Variants in PHRF1 observed in about 807,000 individuals in gnomAD.
The protein encoded by PHRF1 is PHD and ring finger domains 1, also known as PHD and RING finger domain-containing protein 1.
PHRF1 carries 53 observed loss-of-function variants against 128.9 expected under a neutral mutation model. The ratio of observed to expected loss-of-function variants is 0.41; its 90% confidence interval spans 0.33 to 0.52. The LOEUF is 0.52. Ranked by LOEUF, PHRF1 falls within the 20% of genes least tolerant of loss-of-function variation. The probability of loss-of-function intolerance (pLI) is 0.21; values close to 1 mark genes in which losing one functional copy is unlikely to be tolerated. For missense variants in PHRF1, 2,503 were observed against 2,284.5 expected (o/e 1.10, Z -1.95); for synonymous variants, 1,178 against 980.6 (o/e 1.20, Z -3.76).
At chr11:581,901 C>A in intron 2 of PHRF1, 61 bp from the exon 3 acceptor site, 2 of 1,498,694 alleles carry the variant, frequency 1.3e-6, no homozygotes, top group East Asian at 2.5e-5. Flanking sequence ...GCAAAGCAAC[C>A]TGCTCTCTGC....
Position 597,630 on chromosome 11 carries a change from AGT to A in PHRF1, c.894+61_894+62del. On this transcript the variant is annotated intron_variant, in intron 8 of 17. Coordinates refer to ENST00000264555, the MANE Select transcript of PHRF1 (RefSeq NM_001286581.2). This position sits in a 1 kb window ranked among gnomAD's most constrained non-coding sequence, Gnocchi z 6.5. ...CCCAGCTGCCCAGAGTGATCTCGGC[AGT>A]CTGGGTGGGTGGGAGGGGCGTCGTC... is the stretch of plus-strand genomic sequence containing the variant. 9.4e-7 allele frequency: 1 copy of A among 1,064,842 alleles called. No individual in the cohort carries two copies. Among genetic ancestry groups the A allele is most frequent in the Non-Finnish European group, 1.3e-6 (1 of 756,754 alleles). 66.0% of individuals were successfully genotyped at this position (1,064,842 alleles called of 1,614,324 possible).
Position 607,980 on chromosome 11 carries a change from G to T in PHRF1, c.2524G>T (p.Ala842Ser), listed in dbSNP as rs372016767. Residue 842 changes from alanine (A) to serine (S), a missense_variant, in exon 14 of 18, where the codon GCC (alanine) becomes TCC (serine). Coordinates refer to ENST00000264555, the MANE Select transcript of PHRF1 (RefSeq NM_001286581.2). ...PSDPTGSDSS[A>S]PGSSPERSGP... ...CGACCCCACCGGCTCCGACTCCAGC[G>T]CCCCTGGCAGCAGCCCCGAGAGGTC... 6.2e-7 allele frequency: 1 copy of T among 1,611,378 alleles called. No individual in the cohort carries two copies. Among genetic ancestry groups the T allele is most frequent in the Non-Finnish European group, 8.5e-7 (1 of 1,179,832 alleles).
At chr11:596,900 T>C (rs761681699) in intron 6 of PHRF1, 23 bp from the exon 7 acceptor site, 2 of 1,606,838 alleles carry the variant, frequency 1.2e-6, no homozygotes, top group East Asian at 2.2e-5. Context: ...ACCCGGATGC[T>C]TTGGCCCTGC....
intron 6 of PHRF1, among the ~76,000 whole-genome samples, chr11:595,030 A>G (rs1031149523): frequency 6.6e-6 from 1 of 152,248 alleles, no homozygotes; most frequent in African/African-American, 2.4e-5. Context: ...AGTCTGACTT[A>G]AAAATCACAC....
At chr11:603,186 G>T (rs1343272388) in intron 10 of PHRF1, among the ~76,000 whole-genome samples, 8 of 152,092 alleles carry the variant, frequency 5.3e-5, no homozygotes, top group African/African-American at 1.9e-4. Context: ...TTCCTGAGTA[G>T]CTGGGACTAC....
In PHRF1 at chr11:605,286, G is replaced by A; in HGVS notation, c.1320G>A (p.Leu440=). Reference sequence around the variant, plus strand: ...CTCTGTTTGGAGATCCTTATGAGCTGGATCCCTTCGACAGGTGAGTGAACT... The same window carrying A: ...CTCTGTTTGGAGATCCTTATGAGCTAGATCCCTTCGACAGGTGAGTGAACT... ...SLSLFGDPYE[L]DPFDSSEELS... is the part of the protein sequence containing the mutation. Residue 440 remains leucine, a synonymous_variant, in exon 11 of 18, where the codon CTG becomes CTA. Transcript: ENST00000264555. 1.2e-6 allele frequency: 2 copies of A among 1,613,536 alleles called. No individual in the cohort carries two copies. Among genetic ancestry groups the A allele is most frequent in the East Asian group, 2.2e-5 (1 of 44,888 alleles).
Position 601,709 on chromosome 11 carries a change from T to C in PHRF1, c.1152+8T>C, listed in dbSNP as rs999834169. 3.7e-6 allele frequency: 6 copies of C among 1,613,576 alleles called. No homozygotes were observed. The highest frequency in any genetic ancestry group is 2.2e-5 in the East Asian group (1 of 44,868). Reference sequence around the variant, plus strand: ...AGAGGGAAGAAGGTAAAGGTGAGCATTGGGTGGCAGGGCCTGAGTCTCCTG... The same window carrying C: ...AGAGGGAAGAAGGTAAAGGTGAGCACTGGGTGGCAGGGCCTGAGTCTCCTG... On this transcript the variant is annotated splice_region_variant and intron_variant, in intron 10 of 17. Transcript: ENST00000264555.
intron 9 of PHRF1, among the ~76,000 whole-genome samples, chr11:599,607 A>G (rs1310262509): frequency 2.0e-5 from 3 of 152,020 alleles, no homozygotes; most frequent in Non-Finnish European, 4.4e-5. Context: ...GTGTAGTCCT[A>G]GGTTTGACAG....
rs111831870 is a variant in PHRF1, at chr11:584,594, G to C, written c.214+2513G>C. Among the ~76,000 whole-genome samples the C allele has an allele frequency of 2.6e-5, 4 of 152,076 alleles. No homozygotes were observed. In the East Asian group the frequency reaches 7.7e-4, roughly 29 times the overall value. On this transcript the variant is annotated intron_variant, in intron 3 of 17. Coordinates refer to ENST00000264555, the MANE Select transcript of PHRF1 (RefSeq NM_001286581.2). ...TGGGCAGAGGCGGCAGGCCAGGACGGGGGAGCTGTGAAGAGACAGGTTTAT... is the reference window on the plus strand; with the variant it reads ...TGGGCAGAGGCGGCAGGCCAGGACGCGGGAGCTGTGAAGAGACAGGTTTAT...
chr11:599,946 T>C (rs907720144), intron 9 of PHRF1, among the ~76,000 whole-genome samples: 2 of 152,232 alleles, frequency 1.3e-5, no homozygotes, highest in Admixed American at 6.5e-5. Context: ...TTGAGAAATA[T>C]TCCATTGTAT....
Position 608,255 on chromosome 11 carries a change from G to T in PHRF1, c.2799G>T (p.Arg933=). Residue 933 remains arginine (R), a synonymous_variant, in exon 14 of 18, where the codon CGG becomes CGT. Coordinates refer to ENST00000264555, the MANE Select transcript of PHRF1 (RefSeq NM_001286581.2). ...GCCAGGGCCTGGCTGCCCGGCTGCG[G>T]AGGCCATCCCCCCCAGAGCCCTGGG... ...TESQGLAARL[R]RPSPPEPWDE... 6.2e-7 allele frequency: 1 copy of T among 1,609,964 alleles called. No homozygotes were observed.
chr11:608,649 G>A lies in PHRF1; in HGVS notation c.3193G>A (p.Ala1065Thr). 6.2e-7 allele frequency: 1 copy of A among 1,612,448 alleles called. No homozygotes were observed. Among genetic ancestry groups the A allele is most frequent in the Non-Finnish European group, 8.5e-7 (1 of 1,179,818 alleles). Residue 1065 changes from alanine (A) to threonine (T), a missense_variant, in exon 14 of 18, where the codon GCT becomes ACT. Transcript: ENST00000264555. ...SSDRSSSRER[A>T]KRKKAKDKSR... ...TGACCGCTCCAGCAGCCGAGAGCGAGCTAAGAGGAAGAAAGCCAAGGACAA... is the reference window on the plus strand; with the variant it reads ...TGACCGCTCCAGCAGCCGAGAGCGAACTAAGAGGAAGAAAGCCAAGGACAA...
chr11:595,420 A>G (rs775456993), intron 6 of PHRF1, among the ~76,000 whole-genome samples: 54 of 152,248 alleles, frequency 3.5e-4, no homozygotes, highest in South Asian at 8.3e-4. Context: ...TGTGTTCACC[A>G]GGGAGGCAGT....
intron 3 of PHRF1, among the ~76,000 whole-genome samples, chr11:585,588 C>CA (rs1854487070): frequency 1.6e-5 from 2 of 122,422 alleles, no homozygotes; most frequent in Admixed American, 8.6e-5. Flanking sequence ...CCCTTTCCAG[C>CA]TTGAGGTAGT....
intron 10 of PHRF1, 80 bp from the exon 11 acceptor site, chr11:605,023 ACTGTTGCTGATGAAGG>A: frequency 7.9e-7 from 1 of 1,257,972 alleles, no homozygotes; most frequent in Non-Finnish European, 1.1e-6. Context: ...TCTAGTGTTC[ACTGTTGCTGATGAAGG>A]CTTCACGTGG....
Position 611,209 on chromosome 11 carries a change from CA to C in PHRF1, c.4806+128del, listed in dbSNP as rs1201868729. The C allele has an allele frequency of 2.3e-5, 33 of 1,447,568 alleles. 2 individuals are homozygous for C. The highest frequency in any genetic ancestry group is 3.8e-4 in the Middle Eastern group (2 of 5,322). 89.7% of individuals were successfully genotyped at this position (1,447,568 alleles called of 1,614,324 possible). ...GAGGTCAGCCAGCCAGGTTAGGGGTCAGGGGGCTGTATTGCCACATCCTGTA... is the reference window on the plus strand; with the variant it reads ...GAGGTCAGCCAGCCAGGTTAGGGGTCGGGGGCTGTATTGCCACATCCTGTA... On this transcript the variant is annotated intron_variant, in intron 17 of 17. Transcript: ENST00000264555.
intron 6 of PHRF1, among the ~76,000 whole-genome samples, chr11:593,007 T>C (rs1020543719): frequency 3.1e-4 from 47 of 152,324 alleles, no homozygotes; most frequent in Admixed American, 5.9e-4. Flanking sequence ...GAGGGGTGGC[T>C]ATGCCTGCGT....
chr11:610,474 A>T lies in PHRF1; in HGVS notation c.4417-27A>T, dbSNP rs748601046. 2.5e-6 allele frequency: 4 copies of T among 1,591,268 alleles called. No homozygotes were observed. In the South Asian group the frequency reaches 4.5e-5, roughly 18 times the overall value. ...CACAGAGCTGCTAGCTGTAGGGCCC[A>T]GTGCTCAGCAGGGGTGTCCCTCCCA... On this transcript the variant is annotated intron_variant, in intron 15 of 17. Transcript: ENST00000264555.
intron 4 of PHRF1, among the ~76,000 whole-genome samples, chr11:589,355 C>G (rs542533907): frequency 3.3e-5 from 5 of 152,186 alleles, no homozygotes; most frequent in Admixed American, 1.3e-4. Flanking sequence ...ATGCTGATTC[C>G]GTCCTTCCCA....
Sources: allele counts gnomAD v4.1 joint callset (sites outside exome capture counted in the v4.1 genomes callset), GRCh38; gene constraint gnomAD v4.1.1; non-coding constraint Gnocchi (gnomAD v3.1); transcripts MANE v1.5; gene names NCBI Gene and HGNC (gene_info 2026-07-23, HGNC 2026-07-21).